GAS7: variants seen among roughly 807,000 people sequenced by gnomAD.
GAS7 encodes the protein growth arrest specific 7, also known as growth arrest-specific protein 7.
Under a neutral mutation model 71.1 loss-of-function variants are expected in GAS7, and 28 were observed. That is an observed-to-expected ratio of 0.39 (90% confidence interval 0.29 to 0.54). The LOEUF (loss-of-function observed/expected upper bound fraction) is 0.54. Among genes scored for constraint, GAS7 ranks in the 20% least tolerant of loss-of-function variants. The pLI, the probability that GAS7 is intolerant of heterozygous loss-of-function variation, is 0.62. For missense variants in GAS7, 436 were observed against 627.8 expected (o/e 0.69, Z 3.27); for synonymous variants, 258 against 245.8 (o/e 1.05, Z -0.46).
chr17:10,164,036 TTGAC>T (rs1192965846), intron 1 of GAS7, among the ~76,000 whole-genome samples: 25 of 152,200 alleles, frequency 1.6e-4, no homozygotes, highest in Admixed American at 1.6e-3. Flanking sequence ...TTTCTCACCT[TTGAC>T]TGCCCCTTAC....
intron 1 of GAS7, among the ~76,000 whole-genome samples, chr17:10,102,740 A>T (rs2073716053): frequency 6.9e-6 from 1 of 145,932 alleles, no homozygotes; most frequent in Non-Finnish European, 1.5e-5. Context: ...AAATCAAAAT[A>T]CCCAGGCCCT....
intron 3 of GAS7, among the ~76,000 whole-genome samples, chr17:9,970,877 C>T (rs983850354): frequency 6.6e-6 from 1 of 152,218 alleles, no homozygotes; most frequent in African/African-American, 2.4e-5. Context: ...ATCACGAATT[C>T]ACACTGGGAC....
At chr17:9,994,451 A>G (rs1239781898) in intron 2 of GAS7, among the ~76,000 whole-genome samples, 2 of 145,066 alleles carry the variant, frequency 1.4e-5, no homozygotes, top group Non-Finnish European at 3.0e-5. Context: ...TATTTAATAA[A>G]TGGTGCTGGG....
intron 2 of GAS7, among the ~76,000 whole-genome samples, chr17:9,984,296 C>T (rs971029773): frequency 6.6e-6 from 1 of 152,064 alleles, no homozygotes; most frequent in South Asian, 2.1e-4. Context: ...GGCCCCAATA[C>T]TCCCGCTCTC....
intron 1 of GAS7, among the ~76,000 whole-genome samples, chr17:10,097,655 T>G (rs1292344899): frequency 6.6e-6 from 1 of 152,170 alleles, no homozygotes; most frequent in Non-Finnish European, 1.5e-5. Flanking sequence ...GGCTCTGTGC[T>G]TCTATCGGAA....
At chr17:10,040,870 G>C (rs1405425428) in intron 1 of GAS7, among the ~76,000 whole-genome samples, 1 of 152,124 alleles carries the variant, frequency 6.6e-6, no homozygotes, top group Non-Finnish European at 1.5e-5. Context: ...CCCATAAGAA[G>C]GTAAAAGCGG....
intron 1 of GAS7, among the ~76,000 whole-genome samples, chr17:10,147,703 C>T (rs2074132222): frequency 6.6e-6 from 1 of 152,182 alleles, no homozygotes; most frequent in African/African-American, 2.4e-5. Context: ...ATCAAGGGTA[C>T]AACACGGCAT....
At chr17:9,932,452 C>CA (rs1007515932) in intron 9 of GAS7, among the ~76,000 whole-genome samples, 9 of 152,220 alleles carry the variant, frequency 5.9e-5, no homozygotes, top group African/African-American at 2.2e-4. Flanking sequence ...CTCAGCCTCT[C>CA]AAAGTGCTGG....
At chr17:9,938,611 C>T (rs1318099025) in intron 8 of GAS7, among the ~76,000 whole-genome samples, 1 of 151,754 alleles carries the variant, frequency 6.6e-6, no homozygotes, top group Non-Finnish European at 1.5e-5. Context: ...TTACCAGGCA[C>T]CAACCCTGCT....
chr17:10,161,821 T>C (rs947062485), intron 1 of GAS7, among the ~76,000 whole-genome samples: 1 of 151,874 alleles, frequency 6.6e-6, no homozygotes, highest in Non-Finnish European at 1.5e-5. Flanking sequence ...TCCCAGCATT[T>C]TGGGAGGCCG....
chr17:9,964,332 G>C (rs1191394389), intron 4 of GAS7, among the ~76,000 whole-genome samples: 3 of 151,994 alleles, frequency 2.0e-5, no homozygotes, highest in African/African-American at 7.3e-5. Flanking sequence ...AAATAATCTG[G>C]GTCCCATCCC....
In GAS7 at chr17:10,126,501, CAA is replaced by C. The variant is rs1385741263; in HGVS notation, c.183+71705_183+71706del. On this transcript the variant is annotated intron_variant, in intron 1 of 13. Transcript: ENST00000432992. ...ACACTCACACCCACTCACATACACA[CAA>C]ACACGTATCACACACGCACACACAA... 2.7e-5 allele frequency among the ~76,000 whole-genome samples: 4 copies of C among 150,670 alleles called. No homozygotes were observed. In the Admixed American group the frequency reaches 2.7e-4, roughly 10 times the overall value.
chr17:10,172,665 T>C (rs1018044891), intron 1 of GAS7, among the ~76,000 whole-genome samples: 2 of 152,262 alleles, frequency 1.3e-5, no homozygotes, highest in South Asian at 2.1e-4. Context: ...TCTTACAACA[T>C]TCTGCAGGGC....
chr17:9,971,573 G>A (rs1425269696), intron 3 of GAS7, among the ~76,000 whole-genome samples: 1 of 152,130 alleles, frequency 6.6e-6, no homozygotes, highest in East Asian at 1.9e-4. Flanking sequence ...TATCAAAAAA[G>A]TGGGGGAGCA....
chr17:10,045,851 G>A (rs150198496), intron 1 of GAS7, among the ~76,000 whole-genome samples: 481 of 152,180 alleles, frequency 3.2e-3, no homozygotes, highest in Non-Finnish European at 5.3e-3. Context: ...ATCCATCACT[G>A]TGTACCAGCC....
chr17:9,945,508 C>T (rs957631096), intron 6 of GAS7, among the ~76,000 whole-genome samples: 1 of 152,066 alleles, frequency 6.6e-6, no homozygotes, highest in African/African-American at 2.4e-5. Context: ...GTTTCCTCAA[C>T]CAATGCACAG....
chr17:10,036,163 C>G (rs1224687516), intron 1 of GAS7, among the ~76,000 whole-genome samples: 2 of 152,150 alleles, frequency 1.3e-5, no homozygotes, highest in Non-Finnish European at 2.9e-5. Flanking sequence ...TCCAAGACAT[C>G]CTTCATAAAT....
At chr17:9,939,162 T>C (rs1324894608) in intron 8 of GAS7, among the ~76,000 whole-genome samples, 1 of 152,204 alleles carries the variant, frequency 6.6e-6, no homozygotes, top group Non-Finnish European at 1.5e-5. Flanking sequence ...AGCCTAGGAA[T>C]GGAATTGCTG....
chr17:10,100,112 G>C (rs16959307), intron 1 of GAS7, among the ~76,000 whole-genome samples: 4,754 of 152,288 alleles, frequency 0.031, 233 homozygotes, highest in African/African-American at 0.11. Context: ...TGGGTTAAAA[G>C]AAGACTCAGT....
Sources: allele counts gnomAD v4.1 joint callset (sites outside exome capture counted in the v4.1 genomes callset), GRCh38; gene constraint gnomAD v4.1.1; transcripts MANE v1.5; gene names NCBI Gene and HGNC (gene_info 2026-07-23, HGNC 2026-07-21).